Variants in CTSZ observed in about 807,000 individuals in gnomAD.
CTSZ encodes carboxypeptidase LB.
Under a neutral mutation model 32.4 loss-of-function variants are expected in CTSZ, and 39 were observed. That is an observed-to-expected ratio of 1.20 (90% CI 0.93 to 1.57). CTSZ has a LOEUF of 1.57. Among genes scored for constraint, CTSZ ranks in the 40% most tolerant of loss-of-function variants. CTSZ has a pLI of 0.00. For synonymous variants in CTSZ, 168 were observed against 170.1 expected, an observed-to-expected ratio of 0.99 and a Z score of 0.10; for missense variants, 397 against 419.6, an observed-to-expected ratio of 0.95 and a Z score of 0.47.
At chr20:58,999,138 T>C (rs2146362307) in intron 3 of CTSZ, among the ~76,000 whole-genome samples, 1 of 152,112 alleles carries the variant, frequency 6.6e-6, no homozygotes, top group South Asian at 2.1e-4. Context: ...TGGGTTCAAG[T>C]GATTCTCCTG....
intron 3 of CTSZ, among the ~76,000 whole-genome samples, chr20:58,998,527 CAA>C (rs1234919235): frequency 7.3e-6 from 1 of 136,704 alleles, no homozygotes; most frequent in East Asian, 2.2e-4. Context: ...GCCTGAGCGA[CAA>C]GAGCGAGACT....
In CTSZ at chr20:59,004,237, C is replaced by T. The variant is rs1020627638; in HGVS notation, c.307+2085G>A. 2.0e-5 allele frequency among the ~76,000 whole-genome samples: 3 copies of T among 151,856 alleles called. No homozygotes were observed. Among genetic ancestry groups the T allele is most frequent in the African/African-American group, 4.8e-5 (2 of 41,324 alleles). ...TGGAGGTGTCAGGTGACCGGGACAG[C>T]GGGCGAGTGGGCAGGTGGATGTCAA... On this transcript the variant is annotated intron_variant, in intron 2 of 5. Coordinates refer to ENST00000217131, the MANE Select transcript of CTSZ (RefSeq NM_001336.4). The surrounding 1 kb of genome is among the most constrained non-coding windows in gnomAD (Gnocchi z 5.6).
chr20:58,999,159 C>G (rs947643295), intron 3 of CTSZ, among the ~76,000 whole-genome samples: 1 of 152,102 alleles, frequency 6.6e-6, no homozygotes, highest in African/African-American at 2.4e-5. Context: ...CCTTAGCCTC[C>G]TGAGTAGCTG....
chr20:58,997,422 C>T, intron 4 of CTSZ, 181 bp downstream of exon 4: 2 of 486,884 alleles, frequency 4.1e-6, no homozygotes, highest in Non-Finnish European at 6.9e-6. Flanking sequence ...CTGTCTCGAG[C>T]CTACTGAGTA....
intron 3 of CTSZ, among the ~76,000 whole-genome samples, chr20:58,999,905 T>TA (rs1338296699): frequency 6.6e-6 from 1 of 151,914 alleles, no homozygotes; most frequent in Non-Finnish European, 1.5e-5. Flanking sequence ...CCGCCTCTAC[T>TA]AAAAATACAA....
intron 2 of CTSZ, 77 bp downstream of exon 2, chr20:59,006,245 G>A: frequency 1.3e-6 from 2 of 1,482,508 alleles, no homozygotes; most frequent in African/African-American, 1.4e-5. Flanking sequence ...CTGGAACCGC[G>A]GGCTGAGCTG....
chr20:59,002,121 T>G lies in CTSZ; in HGVS notation c.308-477A>C, dbSNP rs1426793648. 6.6e-6 allele frequency among the ~76,000 whole-genome samples: 1 copy of G among 152,158 alleles called. No homozygotes were observed. Among genetic ancestry groups the G allele is most frequent in the East Asian group, 1.9e-4 (1 of 5,186 alleles). ...GCCCAGGGAGCCGCATGAGCCCCAG[T>G]GAGGGGCCAGATGCGGTCCTGAGGG... On this transcript the variant is annotated intron_variant, in intron 2 of 5. Transcript: ENST00000217131. The surrounding 1 kb of genome is among the most constrained non-coding windows in gnomAD (Gnocchi z 4.1).
chr20:59,001,511 G>A lies in CTSZ; in HGVS notation c.441C>T (p.His147=), dbSNP rs780068054. The change falls in exon 3 of 6, where the codon CAC becomes CAT. Residue 147 remains histidine, a synonymous_variant. Transcript: ENST00000217131. The stretch of plus-strand genomic sequence containing the variant: ...TGTTGCAGGTCTCGTCAGGGATGCC[G>A]TGCTGGTGGGCGTAGTCCCACACGG... ...DLSVWDYAHQ[H]GIPDETCNNY... is the part of the protein sequence containing the mutation. 6 of 1,613,942 alleles carry A rather than the reference G, an allele frequency of 3.7e-6. No homozygotes were observed. Among genetic ancestry groups the A allele is most frequent in the Non-Finnish European group, 5.1e-6 (6 of 1,179,914 alleles).
chr20:59,006,330 G>T lies in CTSZ; in HGVS notation c.299C>A (p.Ala100Asp). 1 of 1,609,448 alleles carries T rather than the reference G, an allele frequency of 6.2e-7. No homozygotes were observed. The highest frequency in any genetic ancestry group is 8.5e-7 in the Non-Finnish European group (1 of 1,178,066). ...GSCWAHASTS[A>D]MADRINIKRK... ...AAAGGGCGGCCACTCACCCGCCATA[G>T]CGCTGGTGCTGGCGTGGGCCCAGCA... The change falls in exon 2 of 6, where the codon GCT (alanine) becomes GAT (aspartate). Residue 100 changes from alanine to aspartate, a missense_variant. Coordinates refer to ENST00000217131, the MANE Select transcript of CTSZ (RefSeq NM_001336.4).
Position 58,997,487 on chromosome 20 carries a change from A to G in CTSZ, c.638+116T>C, listed in dbSNP as rs563201478. On this transcript the variant is annotated intron_variant, in intron 4 of 5. Coordinates refer to ENST00000217131, the MANE Select transcript of CTSZ (RefSeq NM_001336.4). ...CGGAGATGCCTACATGAGCACCGACATGAGCCCACACTGGCGCTGTCACCG... is the reference window on the plus strand; with the variant it reads ...CGGAGATGCCTACATGAGCACCGACGTGAGCCCACACTGGCGCTGTCACCG... 7.3e-5 allele frequency: 77 copies of G among 1,056,458 alleles called. No homozygotes were observed. In the South Asian group the frequency reaches 1.7e-3, roughly 23 times the overall value. 65.4% of individuals were successfully genotyped at this position (1,056,458 alleles called of 1,614,324 possible).
intron 2 of CTSZ, among the ~76,000 whole-genome samples, chr20:59,003,721 C>T (rs1568683811): frequency 6.6e-6 from 1 of 152,064 alleles, no homozygotes. Flanking sequence ...GCCATGGGAC[C>T]TCAGGGAGAG....
chr20:59,002,973 T>G lies in CTSZ; in HGVS notation c.308-1329A>C, dbSNP rs2091895831. Among the ~76,000 whole-genome samples the G allele has an allele frequency of 6.6e-6, 1 of 152,172 alleles. No homozygotes were observed. Among genetic ancestry groups the G allele is most frequent in the African/African-American group, 2.4e-5 (1 of 41,428 alleles). On this transcript the variant is annotated intron_variant, in intron 2 of 5. Coordinates refer to ENST00000217131, the MANE Select transcript of CTSZ (RefSeq NM_001336.4). The surrounding 1 kb of genome is among the most constrained non-coding windows in gnomAD (Gnocchi z 4.1). The stretch of plus-strand genomic sequence containing the variant: ...CCCCTCCCACTCACTATCACGGTTT[T>G]CTGCTTCACTCAATGGTTTGAGACA...
chr20:58,995,503 C>T lies in CTSZ; in HGVS notation c.*146G>A, dbSNP rs1265766477. 11 of 655,614 alleles carry T rather than the reference C, an allele frequency of 1.7e-5. No individual in the cohort carries two copies. Among genetic ancestry groups the T allele is most frequent in the East Asian group, 5.5e-5 (2 of 36,218 alleles). 40.6% of individuals were successfully genotyped at this position (655,614 alleles called of 1,614,324 possible). On this transcript the variant is annotated 3_prime_UTR_variant, in exon 6 of 6. Coordinates refer to ENST00000217131, the MANE Select transcript of CTSZ (RefSeq NM_001336.4). ...CCCACTTTCAACTCTCAGGAACACT[C>T]GCAGCCAGTGCCACGCTGTCCTCGC... is the stretch of plus-strand genomic sequence containing the variant.
At chr20:58,996,535 C>T (rs2091861220) in intron 5 of CTSZ, 104 bp downstream of exon 5, 1 of 1,279,340 alleles carries the variant, frequency 7.8e-7, no homozygotes, top group Middle Eastern at 1.9e-4. Flanking sequence ...AACCCTCTGT[C>T]AAGGCCCCAG....
chr20:59,006,126 A>G (rs1482689155), intron 2 of CTSZ, 196 bp downstream of exon 2: 6 of 641,822 alleles, frequency 9.3e-6, no homozygotes, highest in Non-Finnish European at 1.6e-5. Flanking sequence ...CCTGTCACCC[A>G]AAAGCCCCAG....
intron 2 of CTSZ, among the ~76,000 whole-genome samples, chr20:59,003,556 C>T (rs117504054): frequency 6.6e-6 from 1 of 152,196 alleles, no homozygotes; most frequent in South Asian, 2.1e-4. Context: ...GACATGACCC[C>T]ACAGTTAAGT....
chr20:59,003,695 AGGAG>A (rs897933048), intron 2 of CTSZ, among the ~76,000 whole-genome samples: 1 of 152,080 alleles, frequency 6.6e-6, no homozygotes, highest in African/African-American at 2.4e-5. Flanking sequence ...TGACATCCAT[AGGAG>A]GGAGGGAGGG....
rs2091855708 is a variant in CTSZ at position 58,995,749 on chromosome 20, C to T, written c.812G>A (p.Gly271Asp). The change falls in exon 6 of 6, where the codon GGC becomes GAC. Residue 271 changes from glycine to aspartate, a missense_variant. Coordinates refer to ENST00000217131, the MANE Select transcript of CTSZ (RefSeq NM_001336.4). ...GGTGCTGGTCACGATCCTCAGCCAG[C>T]CTCTCTCGCCCTGTGAGAAGTGGGA... ...NSWGEPWGERGWLRIVTSTYK... is the reference protein window; with the variant it reads ...NSWGEPWGERDWLRIVTSTYK... 6.2e-7 allele frequency: 1 copy of T among 1,614,090 alleles called. No individual in the cohort carries two copies. Among genetic ancestry groups the T allele is most frequent in the Non-Finnish European group, 8.5e-7 (1 of 1,179,976 alleles).
intron 3 of CTSZ, among the ~76,000 whole-genome samples, chr20:58,999,032 CTT>C (rs971764875): frequency 6.6e-6 from 1 of 151,844 alleles, no homozygotes; most frequent in African/African-American, 2.4e-5. Context: ...TTTTTTTATT[CTT>C]TTCTTTTCTT....
Sources: allele counts gnomAD v4.1 joint callset (sites outside exome capture counted in the v4.1 genomes callset), GRCh38; gene constraint gnomAD v4.1.1; non-coding constraint Gnocchi (gnomAD v3.1); transcripts MANE v1.5; gene names NCBI Gene and HGNC (gene_info 2026-07-23, HGNC 2026-07-21).